STMN1: variants seen among roughly 807,000 people sequenced by gnomAD.
STMN1 encodes stathmin.
In STMN1, 3 loss-of-function variants were observed where a neutral mutation model predicts 19.7. The ratio of observed to expected loss-of-function variants is 0.15; its 90% CI spans 0.07 to 0.39. The LOEUF is 0.39. Among genes scored for constraint, STMN1 ranks in the 10% least tolerant of loss-of-function variants. The pLI, the probability that STMN1 is intolerant of heterozygous loss-of-function variation, is 1.00. For synonymous variants in STMN1, 59 were observed against 58.9 expected, an observed-to-expected ratio of 1.00 and a Z score of -0.01; for missense variants, 99 against 176.0, an observed-to-expected ratio of 0.56 and a Z score of 2.48.
intron 4 of STMN1, among the ~76,000 whole-genome samples, chr1:25,893,632 C>A (rs2048795265): frequency 6.6e-6 from 1 of 152,174 alleles, no homozygotes; most frequent in South Asian, 2.1e-4. Flanking sequence ...CCTCCGCCTC[C>A]TAGGTTCAAG....
At chr1:25,892,668 A>T in intron 4 of STMN1, 1 of 923,094 alleles carries the variant, frequency 1.1e-6, no homozygotes, top group Non-Finnish European at 1.3e-6. Context: ...GGGCCTCTAA[A>T]CCAAACGCCC....
exon 5 of STMN1, chr1:25,885,762 A>C: frequency 6.4e-7 from 1 of 1,551,726 alleles, no homozygotes; most frequent in Non-Finnish European, 8.7e-7. Flanking sequence ...TAATCAATGC[A>C]GATTGGAGGC....
intron 4 of STMN1, among the ~76,000 whole-genome samples, chr1:25,892,072 G>C (rs976899638): frequency 2.0e-5 from 3 of 152,224 alleles, no homozygotes; most frequent in African/African-American, 7.2e-5. Context: ...ACTAAAGTCT[G>C]AGAAAAATTT....
chr1:25,894,336 G>C (rs925677137), intron 4 of STMN1, among the ~76,000 whole-genome samples: 3 of 152,068 alleles, frequency 2.0e-5, no homozygotes, highest in African/African-American at 7.2e-5. Flanking sequence ...TTTAGATGTT[G>C]CATCCTGAGG....
downstream of STMN1, among the ~76,000 whole-genome samples, chr1:25,898,005 C>A (rs914876201): frequency 1.3e-5 from 2 of 152,200 alleles, no homozygotes; most frequent in Non-Finnish European, 2.9e-5. Flanking sequence ...GCTGCCCCAA[C>A]AGCCACCATG....
rs1188668634 is a variant in STMN1 at position 25,900,245 on chromosome 1, TTC to T, written c.*769_*770del. The T allele has an allele frequency of 1.2e-5, 12 of 985,746 alleles. No homozygotes were observed. Among genetic ancestry groups the T allele is most frequent in the Admixed American group, 1.2e-4 (2 of 16,266 alleles). The allele number at this position is 985,746 out of a possible 1,614,324, so 61.1% of individuals were successfully genotyped here. On this transcript the variant is annotated 3_prime_UTR_variant, in exon 5 of 5. Transcript: ENST00000455785. ...CAAACCACCAAGTAGAATCTTGAGA[TTC>T]TCTCTCAACTGTTCTCTAGAAACAC...
At chr1:25,885,985 A>G in intron 4 of STMN1, 1 of 1,345,390 alleles carries the variant, frequency 7.4e-7, no homozygotes, top group Non-Finnish European at 9.8e-7. Context: ...CTACAAATGG[A>G]ATCATCCAGG....
downstream of STMN1, among the ~76,000 whole-genome samples, chr1:25,899,061 CA>C (rs2048846244): frequency 6.6e-6 from 1 of 152,242 alleles, no homozygotes; most frequent in South Asian, 2.1e-4. Context: ...GCATCCCCTT[CA>C]GTTTCCTGTG....
chr1:25,901,225 C>A (rs971988244), intron 4 of STMN1, 138 bp from the exon 5 acceptor site: 3 of 1,442,412 alleles, frequency 2.1e-6, no homozygotes, highest in Non-Finnish European at 2.8e-6. Context: ...GGGAACCACA[C>A]AATTTAAGTT....
chr1:25,900,433 G>GGGGCAGAGAACGTGC lies in STMN1; in HGVS notation c.*568_*582dup, dbSNP rs2048858326. ...TGCAAACCACACTGGGGCAAGAAAC[G>GGGGCAGAGAACGTGC]GGGCAGAGAACGTGCGGTCATTTGT... On this transcript the variant is annotated 3_prime_UTR_variant, in exon 5 of 5. Transcript: ENST00000455785. 1 of 985,666 alleles carries GGGGCAGAGAACGTGC rather than the reference G, an allele frequency of 1.0e-6. No individual in the cohort carries two copies. Among genetic ancestry groups the GGGGCAGAGAACGTGC allele is most frequent in the South Asian group, 4.7e-5 (1 of 21,292 alleles). The allele number at this position is 985,666 out of a possible 1,614,324, so 61.1% of individuals were successfully genotyped here.
At position 25,903,818 on chromosome 1, in the gene STMN1, A is replaced by C; in HGVS notation, c.14-5T>G. 6.3e-7 allele frequency: 1 copy of C among 1,590,580 alleles called. No individual in the cohort carries two copies. The highest frequency in any genetic ancestry group is 8.5e-7 in the Non-Finnish European group (1 of 1,172,704). ...CCAGTTCTTTCACCTGGATATCTAG[A>C]ATTGATTATATTTATAATTCAGAAA... On this transcript the variant is annotated splice_region_variant and splice_polypyrimidine_tract_variant and intron_variant, in intron 2 of 4. Transcript: ENST00000455785.
chr1:25,885,410 A>G (rs1487033692), downstream of STMN1: 2 of 196,386 alleles, frequency 1.0e-5, no homozygotes, highest in Non-Finnish European at 2.1e-5. Context: ...ACGCACAAAA[A>G]TAGTTCCCTA....
chr1:25,885,765 T>C (rs577225967), exon 5 of STMN1: 3 of 1,551,428 alleles, frequency 1.9e-6, no homozygotes, highest in Non-Finnish European at 2.6e-6. Flanking sequence ...TCAATGCAGA[T>C]TGGAGGCCCA....
chr1:25,900,951 A>G lies in STMN1; in HGVS notation c.*65T>C. 1.2e-6 allele frequency: 2 copies of G among 1,607,636 alleles called. No individual in the cohort carries two copies. The highest frequency in any genetic ancestry group is 1.7e-6 in the Non-Finnish European group (2 of 1,177,738). On this transcript the variant is annotated 3_prime_UTR_variant, in exon 5 of 5. Transcript: ENST00000455785. ...GTCAGGAGGGAAAAAATAAAATGAC[A>G]CTGGCCAGTACAGTCTTTGGATATT... is the stretch of plus-strand genomic sequence containing the variant.
chr1:25,894,728 T>A (rs2048804224), intron 4 of STMN1, among the ~76,000 whole-genome samples: 1 of 152,184 alleles, frequency 6.6e-6, no homozygotes. Flanking sequence ...TTTTATTTAC[T>A]TTCATTTTTT....
Position 25,900,944 on chromosome 1 carries a change from A to C in STMN1, c.*72T>G, listed in dbSNP as rs1444292085. 1.4e-5 allele frequency: 22 copies of C among 1,605,750 alleles called. No individual in the cohort carries two copies. Among genetic ancestry groups the C allele is most frequent in the Middle Eastern group, 1.7e-4 (1 of 6,028 alleles). ...AATATTTGTCAGGAGGGAAAAAATAAAATGACACTGGCCAGTACAGTCTTT... is the reference window on the plus strand; with the variant it reads ...AATATTTGTCAGGAGGGAAAAAATACAATGACACTGGCCAGTACAGTCTTT... On this transcript the variant is annotated 3_prime_UTR_variant, in exon 5 of 5. Coordinates refer to ENST00000455785, the MANE Select transcript of STMN1 (RefSeq NM_005563.4).
Position 25,900,658 on chromosome 1 carries a change from C to G in STMN1, c.*358G>C. 1 of 1,011,960 alleles carries G rather than the reference C, an allele frequency of 9.9e-7. No homozygotes were observed. The highest frequency in any genetic ancestry group is 4.5e-5 in the South Asian group (1 of 22,440). The allele number at this position is 1,011,960 out of a possible 1,614,324, so 62.7% of individuals were successfully genotyped here. A position where few individuals can be genotyped will look rare whatever the true frequency, so the allele number is the denominator to read the frequency against. Reference sequence around the variant, plus strand: ...TGGGATTGAAAAGTGAACAGATATTCAGCATCTAACAGTTCAAAAGAAGCC... The same window carrying G: ...TGGGATTGAAAAGTGAACAGATATTGAGCATCTAACAGTTCAAAAGAAGCC... On this transcript the variant is annotated 3_prime_UTR_variant, in exon 5 of 5. Coordinates refer to ENST00000455785, the MANE Select transcript of STMN1 (RefSeq NM_005563.4).
intron 4 of STMN1, among the ~76,000 whole-genome samples, chr1:25,886,579 CTTTTTTT>C (rs34974254): frequency 3.2e-5 from 3 of 94,390 alleles, no homozygotes; most frequent in Non-Finnish European, 5.9e-5. Flanking sequence ...ACCCCCACCA[CTTTTTTT>C]TTTTTTTTTT....
chr1:25,901,117 CAAAA>C (rs58316569), intron 4 of STMN1, 30 bp from the exon 5 acceptor site: 24,005 of 1,161,578 alleles, frequency 0.021, no homozygotes, highest in East Asian at 0.036. Context: ...TGTCATCAGT[CAAAA>C]AAAAAAAAAA....
Sources: gnomAD v4.1 joint callset for allele counts (sites outside exome capture counted in the v4.1 genomes callset) on GRCh38, gnomAD v4.1.1 for gene constraint, MANE v1.5 for transcripts, NCBI Gene and HGNC (gene_info 2026-07-23, HGNC 2026-07-21) for gene names.